Variants in CLSTN2 observed in about 807,000 individuals in gnomAD.
CLSTN2 encodes calsyntenin 2, also known as calsyntenin-2.
In CLSTN2, 48 loss-of-function variants were observed where a neutral mutation model predicts 101.2. The ratio of observed to expected loss-of-function variants is 0.47; its 90% confidence interval spans 0.38 to 0.60. CLSTN2 has a LOEUF of 0.60. Ranked by LOEUF, CLSTN2 falls within the 20% of genes least tolerant of loss-of-function variation. The pLI, the probability that CLSTN2 is intolerant of heterozygous loss-of-function variation, is 0.00. For synonymous variants in CLSTN2, 481 were observed against 463.6 expected (o/e 1.04, Z -0.48); for missense variants, 1,160 against 1,238.2 (o/e 0.94, Z 0.95).
intron 4 of CLSTN2, among the ~76,000 whole-genome samples, chr3:140,416,053 C>T (rs1003386165): frequency 2.0e-5 from 3 of 152,148 alleles, no homozygotes; most frequent in Non-Finnish European, 4.4e-5. Flanking sequence ...CTGCCGTTTG[C>T]AACAACTTGG....
At chr3:140,234,516 G>A (rs2086399392) in intron 2 of CLSTN2, among the ~76,000 whole-genome samples, 1 of 152,144 alleles carries the variant, frequency 6.6e-6, no homozygotes, top group South Asian at 2.1e-4. Flanking sequence ...GAGAGTAGAT[G>A]AGTCATGTCA....
At chr3:140,563,683 G>A (rs550069863) in intron 15 of CLSTN2, among the ~76,000 whole-genome samples, 1 of 152,288 alleles carries the variant, frequency 6.6e-6, no homozygotes, top group African/African-American at 2.4e-5. Flanking sequence ...GAATAAAAGA[G>A]AATTTGCATT....
At chr3:140,029,737 T>C (rs2007507214) in intron 1 of CLSTN2, among the ~76,000 whole-genome samples, 1 of 152,192 alleles carries the variant, frequency 6.6e-6, no homozygotes, top group African/African-American at 2.4e-5. Flanking sequence ...TTTCCCAATA[T>C]TTTAAAGTTT....
rs1162848747 is a variant in CLSTN2, at chr3:139,975,972, G to A, written c.109+40489G>A. On this transcript the variant is annotated intron_variant, in intron 1 of 16. Transcript: ENST00000458420. ...GCAGGTACTAGTACAGAGAGACTCAGGTTTGTGGGTAGCATTAAGTTGACT... is the reference window on the plus strand; with the variant it reads ...GCAGGTACTAGTACAGAGAGACTCAAGTTTGTGGGTAGCATTAAGTTGACT... Among the ~76,000 whole-genome samples the A allele has an allele frequency of 2.6e-5, 4 of 152,208 alleles. No homozygotes were observed. In the South Asian group the frequency reaches 6.2e-4, roughly 24 times the overall value.
At chr3:140,492,474 A>G (rs1213630577) in intron 8 of CLSTN2, among the ~76,000 whole-genome samples, 1 of 152,244 alleles carries the variant, frequency 6.6e-6, no homozygotes, top group Non-Finnish European at 1.5e-5. Flanking sequence ...ATAGTAGATT[A>G]CTGTCATTGA....
At chr3:140,499,193 C>T (rs534683662) in intron 8 of CLSTN2, among the ~76,000 whole-genome samples, 3 of 152,150 alleles carry the variant, frequency 2.0e-5, no homozygotes, top group Admixed American at 1.3e-4. Context: ...CTCTGAAAAG[C>T]AGGGAGCTTC....
At chr3:140,080,158 T>C (rs2008572202) in intron 1 of CLSTN2, among the ~76,000 whole-genome samples, 1 of 152,196 alleles carries the variant, frequency 6.6e-6, no homozygotes, top group Non-Finnish European at 1.5e-5. Flanking sequence ...AGAGCAAGGA[T>C]ATTGTCACCT....
intron 1 of CLSTN2, among the ~76,000 whole-genome samples, chr3:140,025,925 G>A (rs751525389): frequency 1.8e-4 from 27 of 152,164 alleles, no homozygotes; most frequent in Non-Finnish European, 2.6e-4. Flanking sequence ...CAAGTACCGC[G>A]CATGTGGAGT....
intron 5 of CLSTN2, among the ~76,000 whole-genome samples, chr3:140,438,523 T>C (rs62266407): frequency 0.17 from 23,872 of 140,682 alleles, 2,450 homozygotes; most frequent in South Asian, 0.35. Context: ...AAAGTATACA[T>C]AAGCCATCTT....
chr3:140,283,484 T>C, intron 2 of CLSTN2, among the ~76,000 whole-genome samples: 1 of 152,084 alleles, frequency 6.6e-6, no homozygotes, highest in East Asian at 1.9e-4. Context: ...GTAAAGCTGA[T>C]TGTATTACCC....
At chr3:140,222,210 C>CATGTTTCATT (rs1317611016) in intron 2 of CLSTN2, among the ~76,000 whole-genome samples, 6 of 152,028 alleles carry the variant, frequency 3.9e-5, no homozygotes, top group Non-Finnish European at 8.8e-5. Flanking sequence ...ATGAAACAAG[C>CATGTTTCATT]TAGGCAGAGA....
At chr3:140,350,872 C>T (rs2087598551) in intron 2 of CLSTN2, among the ~76,000 whole-genome samples, 1 of 152,152 alleles carries the variant, frequency 6.6e-6, no homozygotes, top group Non-Finnish European at 1.5e-5. Flanking sequence ...TTAAGTGTTT[C>T]ACAAAACCCT....
At chr3:140,094,560 G>C (rs530639219) in intron 1 of CLSTN2, among the ~76,000 whole-genome samples, 1 of 152,200 alleles carries the variant, frequency 6.6e-6, no homozygotes, top group Admixed American at 6.5e-5. Context: ...GGAACCTCTA[G>C]AGGGAAGAAA....
chr3:139,985,616 C>A (rs985305354), intron 1 of CLSTN2, among the ~76,000 whole-genome samples: 1 of 152,132 alleles, frequency 6.6e-6, no homozygotes, highest in Non-Finnish European at 1.5e-5. Flanking sequence ...GAATCCATTG[C>A]TCTCATCAGT....
intron 2 of CLSTN2, among the ~76,000 whole-genome samples, chr3:140,309,571 G>T (rs1244070908): frequency 1.3e-5 from 2 of 152,084 alleles, no homozygotes; most frequent in Non-Finnish European, 1.5e-5. Context: ...GGCAATGCAG[G>T]CAGGCCAGAG....
intron 5 of CLSTN2, among the ~76,000 whole-genome samples, chr3:140,435,908 G>A (rs796732127): frequency 3.9e-5 from 6 of 152,112 alleles, no homozygotes; most frequent in African/African-American, 1.4e-4. Context: ...CCTATCCTTC[G>A]ATCGAATTCC....
chr3:140,085,616 G>A (rs2008668484), intron 1 of CLSTN2, among the ~76,000 whole-genome samples: 1 of 152,092 alleles, frequency 6.6e-6, no homozygotes, highest in African/African-American at 2.4e-5. Context: ...GGGTGCTGGA[G>A]TCCATCTGGT....
At chr3:140,344,979 T>C (rs944749053) in intron 2 of CLSTN2, among the ~76,000 whole-genome samples, 2 of 152,150 alleles carry the variant, frequency 1.3e-5, no homozygotes, top group Non-Finnish European at 2.9e-5. Context: ...CCATTTGGAA[T>C]GAACCATACG....
intron 2 of CLSTN2, among the ~76,000 whole-genome samples, chr3:140,284,571 C>T (rs1309370437): frequency 6.6e-6 from 1 of 152,114 alleles, no homozygotes; most frequent in South Asian, 2.1e-4. Context: ...AAGAGCCACT[C>T]CATCAGGATG....
Sources: gnomAD v4.1 joint callset for allele counts (sites outside exome capture counted in the v4.1 genomes callset) on GRCh38, gnomAD v4.1.1 for gene constraint, MANE v1.5 for transcripts, NCBI Gene and HGNC (gene_info 2026-07-23, HGNC 2026-07-21) for gene names.